The following KRCC1 variants were observed in gnomAD, a reference collection of about 807,000 sequenced individuals.
KRCC1 encodes lysine-rich coiled-coil protein 1.
A neutral mutation model predicts 7.4 loss-of-function variants in KRCC1; 3 were observed. The observed-to-expected ratio is 0.40, with a 90% CI of 0.18 to 1.04. The LOEUF (loss-of-function observed/expected upper bound fraction) is 1.04. Among genes scored for constraint, KRCC1 ranks in the 50% least tolerant of loss-of-function variants. KRCC1 has a pLI of 0.33. For missense variants in KRCC1, 277 were observed against 300.9 expected (o/e 0.92, Z 0.59); for synonymous variants, 102 against 101.6 (o/e 1.00, Z -0.02).
At position 88,040,532 on chromosome 2, in the gene KRCC1, T is replaced by G. The variant is rs1395402373; in HGVS notation, c.-290-3481A>C. On this transcript the variant is annotated intron_variant, in intron 1 of 3. Transcript: ENST00000347055. Reference sequence around the variant, plus strand: ...GCCAAACAACAGATTATTGTTTCTGTTTTTTACTTTTGCAAGAATTTCTCA... The same window carrying G: ...GCCAAACAACAGATTATTGTTTCTGGTTTTTACTTTTGCAAGAATTTCTCA... Among the ~76,000 whole-genome samples, 3 of 152,194 alleles carry G rather than the reference T, an allele frequency of 2.0e-5. 1 individual carries two copies. The highest frequency in any genetic ancestry group is 6.3e-3 in the Middle Eastern group (2 of 316).
chr2:88,054,841 C>G (rs1417246617), intron 1 of KRCC1, among the ~76,000 whole-genome samples: 1 of 152,198 alleles, frequency 6.6e-6, no homozygotes, highest in African/African-American at 2.4e-5. Flanking sequence ...CGGTAGCTCG[C>G]GCCCGTAGTC....
intron 1 of KRCC1, among the ~76,000 whole-genome samples, chr2:88,053,100 A>T (rs1449609030): frequency 6.6e-6 from 1 of 151,120 alleles, no homozygotes; most frequent in Non-Finnish European, 1.5e-5. Context: ...ATATCTCCGC[A>T]TTATCAGAGG....
chr2:88,033,180 T>C (rs1673027795), intron 3 of KRCC1, among the ~76,000 whole-genome samples: 1 of 152,152 alleles, frequency 6.6e-6, no homozygotes, highest in African/African-American at 2.4e-5. Flanking sequence ...ATACCTTAAA[T>C]ACATACAGTT....
chr2:88,028,128 T>C lies in KRCC1; in HGVS notation c.436A>G (p.Thr146Ala). The stretch of plus-strand genomic sequence containing the variant: ...TTGTGACTGGCTTGATGAGTACTGG[T>C]ACTGTTATCTGAGGAGAAGTGCTTG... ...VYKHFSSDNS[T>A]STHQASHKQI... The change falls in exon 4 of 4, where the codon ACC becomes GCC. Residue 146 changes from threonine to alanine, a missense_variant. By Grantham distance (58) the Thr-to-Ala change is moderately conservative (BLOSUM62 0). Coordinates refer to ENST00000347055, the MANE Select transcript of KRCC1 (RefSeq NM_016618.3). The C allele has an allele frequency of 6.2e-7, 1 of 1,614,152 alleles. No individual in the cohort carries two copies. Among genetic ancestry groups the C allele is most frequent in the Non-Finnish European group, 8.5e-7 (1 of 1,180,016 alleles).
At chr2:88,048,873 T>C (rs956469567) in intron 1 of KRCC1, among the ~76,000 whole-genome samples, 1 of 152,194 alleles carries the variant, frequency 6.6e-6, no homozygotes, top group Non-Finnish European at 1.5e-5. Flanking sequence ...TGCCAAAACA[T>C]GTTGTTTGAT....
chr2:88,053,142 G>C (rs1369440244), intron 1 of KRCC1, among the ~76,000 whole-genome samples: 1 of 151,786 alleles, frequency 6.6e-6, no homozygotes. Flanking sequence ...TCCTAGATGA[G>C]AGTCACTGGG....
chr2:88,030,118 G>C (rs1418505314), intron 3 of KRCC1, among the ~76,000 whole-genome samples: 1 of 150,878 alleles, frequency 6.6e-6, no homozygotes, highest in African/African-American at 2.4e-5. Flanking sequence ...AAAGTGCTGG[G>C]ATTACAGGTG....
chr2:88,027,724 T>G lies in KRCC1; in HGVS notation c.*60A>C. 1.4e-6 allele frequency: 2 copies of G among 1,468,662 alleles called. No homozygotes were observed. The highest frequency in any genetic ancestry group is 1.8e-6 in the Non-Finnish European group (2 of 1,092,886). The allele number at this position is 1,468,662 out of a possible 1,614,324, so 91.0% of individuals were successfully genotyped here. On this transcript the variant is annotated 3_prime_UTR_variant, in exon 4 of 4. Transcript: ENST00000347055. ...AAAAGTGGTATGAACACGGATATCA[T>G]AAAACCAAGCTCTCACCTATTTTTT...
intron 3 of KRCC1, among the ~76,000 whole-genome samples, 147 bp downstream of exon 3, chr2:88,033,973 TATATTCATATAATA>T (rs1673045016): frequency 6.6e-6 from 1 of 151,870 alleles, no homozygotes; most frequent in Non-Finnish European, 1.5e-5. Context: ...CAAAATATGG[TATATTCATATAATA>T]TTATTCAGCA....
rs116728034 is a variant in KRCC1 at position 88,029,213 on chromosome 2, C to T, written c.-22-628G>A. On this transcript the variant is annotated intron_variant, in intron 3 of 3. Transcript: ENST00000347055. ...TGTGTGGATAGGAACCACACAACCA[C>T]GGTGGGTGGCTGATATTAATGTTCA... Among the ~76,000 whole-genome samples, 272 of 152,190 alleles carry T rather than the reference C, an allele frequency of 1.8e-3. 1 individual carries two copies. The highest frequency in any genetic ancestry group is 5.5e-3 in the African/African-American group (228 of 41,532).
At chr2:88,052,413 G>C (rs1673511512) in intron 1 of KRCC1, among the ~76,000 whole-genome samples, 1 of 152,192 alleles carries the variant, frequency 6.6e-6, no homozygotes, top group Non-Finnish European at 1.5e-5. Flanking sequence ...TAAAAACGCT[G>C]AAACTTCCTC....
chr2:88,055,486 G>C (rs1294922371), intron 1 of KRCC1, 140 bp downstream of exon 1: 1 of 152,074 alleles, frequency 6.6e-6, no homozygotes, highest in Non-Finnish European at 1.5e-5. Context: ...AGGGGTGCGC[G>C]GGACTCGGGC....
At chr2:88,029,270 C>T (rs144890452) in intron 3 of KRCC1, among the ~76,000 whole-genome samples, 2 of 152,082 alleles carry the variant, frequency 1.3e-5, no homozygotes, top group East Asian at 3.9e-4. Context: ...GAATTGGTTT[C>T]CTGTATATTA....
rs1395166169 is a variant in KRCC1 at position 88,053,776 on chromosome 2, C to T, written c.-291+1850G>A. 2.6e-5 allele frequency among the ~76,000 whole-genome samples: 4 copies of T among 152,116 alleles called. No individual in the cohort carries two copies. In the East Asian group the frequency reaches 5.8e-4, roughly 22 times the overall value. ...GTGTAAAATATTATGGGATAACACA[C>T]AAAATACAATATCTCATCATGAAAA... On this transcript the variant is annotated intron_variant, in intron 1 of 3. Transcript: ENST00000347055.
chr2:88,041,218 T>C (rs1573080078), intron 1 of KRCC1, among the ~76,000 whole-genome samples: 1 of 152,152 alleles, frequency 6.6e-6, no homozygotes, highest in African/African-American at 2.4e-5. Flanking sequence ...GAATTTGTGA[T>C]AGCTGGGAAG....
intron 2 of KRCC1, among the ~76,000 whole-genome samples, chr2:88,034,877 T>C (rs1673062668): frequency 6.6e-6 from 1 of 152,122 alleles, no homozygotes; most frequent in African/African-American, 2.4e-5. Flanking sequence ...TTTTTAGATT[T>C]CATGTATAAG....
chr2:88,033,325 A>C lies in KRCC1; in HGVS notation c.-23+809T>G, dbSNP rs191496708. ...GATCACCTGAGGTCAGGAGTTGGAG[A>C]TCAGCCTGGCCAACATGGTGAAACC... On this transcript the variant is annotated intron_variant, in intron 3 of 3. Coordinates refer to ENST00000347055, the MANE Select transcript of KRCC1 (RefSeq NM_016618.3). 4.9e-3 allele frequency among the ~76,000 whole-genome samples: 753 copies of C among 152,260 alleles called. 7 individuals are homozygous for C. Among genetic ancestry groups the C allele is most frequent in the African/African-American group, 0.017 (707 of 41,540 alleles).
At chr2:88,047,451 T>C (rs938082000) in intron 1 of KRCC1, among the ~76,000 whole-genome samples, 6 of 152,158 alleles carry the variant, frequency 3.9e-5, no homozygotes, top group Non-Finnish European at 7.3e-5. Context: ...TCAACTGAAT[T>C]TGAATAAAAA....
chr2:88,053,321 G>A (rs1033947998), intron 1 of KRCC1, among the ~76,000 whole-genome samples: 11 of 152,154 alleles, frequency 7.2e-5, no homozygotes, highest in South Asian at 2.1e-4. Context: ...AAAGGTTACT[G>A]CTAGTACTGT....
Sources: allele counts gnomAD v4.1 joint callset (sites outside exome capture counted in the v4.1 genomes callset), GRCh38; gene constraint gnomAD v4.1.1; transcripts MANE v1.5; gene names NCBI Gene and HGNC (gene_info 2026-07-23, HGNC 2026-07-21).